RYR3: variants seen among roughly 807,000 people sequenced by gnomAD.
RYR3 encodes the protein ryanodine receptor 3.
RYR3 carries 207 observed loss-of-function variants against 584.3 expected under a neutral mutation model. The ratio of observed to expected loss-of-function variants is 0.35; its 90% CI spans 0.32 to 0.40. RYR3 has a LOEUF of 0.40. Ranked by LOEUF, RYR3 falls within the 10% of genes least tolerant of loss-of-function variation. RYR3 has a pLI of 1.00. For synonymous variants in RYR3, 2,416 were observed against 2,248.5 expected (o/e 1.07, Z -2.11); for missense variants, 5,616 against 6,089.2 (o/e 0.92, Z 2.59).
intron 5 of RYR3, among the ~76,000 whole-genome samples, chr15:33,535,727 G>A (rs1261978046): frequency 6.6e-6 from 1 of 152,134 alleles, no homozygotes; most frequent in Non-Finnish European, 1.5e-5. Flanking sequence ...TTAATTGTTA[G>A]AGCCTTAAAT....
intron 1 of RYR3, among the ~76,000 whole-genome samples, chr15:33,436,596 G>A (rs534679021): frequency 6.6e-6 from 1 of 151,758 alleles, no homozygotes; most frequent in African/African-American, 2.4e-5. Flanking sequence ...CGCCTCCCGG[G>A]TTCACACCAT....
At chr15:33,660,931 T>A (rs4780142) in intron 34 of RYR3, among the ~76,000 whole-genome samples, 1 of 152,104 alleles carries the variant, frequency 6.6e-6, no homozygotes, top group Non-Finnish European at 1.5e-5. Flanking sequence ...AAAGGGTTTC[T>A]GGGAGGAAAA....
chr15:33,322,559 T>TA (rs1567022856), intron 1 of RYR3, among the ~76,000 whole-genome samples: 1 of 152,224 alleles, frequency 6.6e-6, no homozygotes, highest in Non-Finnish European at 1.5e-5. Flanking sequence ...ATATCCCATA[T>TA]ATAGAGAGCC....
chr15:33,562,956 G>T lies in RYR3; in HGVS notation c.1092G>T (p.Val364=). Residue 364 remains valine, a synonymous_variant, in exon 11 of 104, where the codon GTG becomes GTT. Coordinates refer to ENST00000634891, the MANE Select transcript of RYR3 (RefSeq NM_001036.6). ...FVQHIASGLW[V]TYKAQDAKTS... Reference sequence around the variant, plus strand: ...AGCATATAGCCAGTGGTCTGTGGGTGACCTACAAAGCACAAGACGCCAAAA... The same window carrying T: ...AGCATATAGCCAGTGGTCTGTGGGTTACCTACAAAGCACAAGACGCCAAAA... 1 of 1,613,374 alleles carries T rather than the reference G, an allele frequency of 6.2e-7. No individual in the cohort carries two copies. The highest frequency in any genetic ancestry group is 8.5e-7 in the Non-Finnish European group (1 of 1,179,556).
Position 33,751,544 on chromosome 15 carries a change from T to C in RYR3, c.8399+1258T>C, listed in dbSNP as rs371569972. On this transcript the variant is annotated intron_variant, in intron 57 of 103. Coordinates refer to ENST00000634891, the MANE Select transcript of RYR3 (RefSeq NM_001036.6). ...TGCATAAATGTCTTCTTTTGAAAAG[T>C]GTCTGTTCAAAGCCTTCACCCAGTT... Among the ~76,000 whole-genome samples, 13 of 152,008 alleles carry C rather than the reference T, an allele frequency of 8.6e-5. No homozygotes were observed. The East Asian group carries it at 2.3e-3, about 27-fold the overall frequency.
At chr15:33,691,320 T>G (rs2065411340) in intron 38 of RYR3, among the ~76,000 whole-genome samples, 1 of 152,216 alleles carries the variant, frequency 6.6e-6, no homozygotes, top group Non-Finnish European at 1.5e-5. Flanking sequence ...CTTGACACAT[T>G]TCATTATAAA....
chr15:33,696,611 C>T, intron 39 of RYR3, 120 bp downstream of exon 39: 1 of 1,043,990 alleles, frequency 9.6e-7, no homozygotes, highest in Non-Finnish European at 1.4e-6. Context: ...GAACTGATTC[C>T]AATTTCACTC....
chr15:33,639,818 C>A (rs1213107125), intron 27 of RYR3, among the ~76,000 whole-genome samples: 1 of 152,176 alleles, frequency 6.6e-6, no homozygotes, highest in Non-Finnish European at 1.5e-5. Context: ...AATTAATGTT[C>A]CCTCCCCTGG....
chr15:33,815,714 C>T, intron 74 of RYR3: 1 of 392,868 alleles, frequency 2.5e-6, no homozygotes, highest in Non-Finnish European at 4.5e-6. Context: ...CTCTTCTCCA[C>T]CTTGTGATCA....
intron 1 of RYR3, among the ~76,000 whole-genome samples, chr15:33,339,144 T>G (rs1971496914): frequency 6.6e-6 from 1 of 152,148 alleles, no homozygotes; most frequent in Non-Finnish European, 1.5e-5. Flanking sequence ...CAGTAGACAT[T>G]AGGACTACTG....
chr15:33,623,201 C>T (rs2060813339), intron 19 of RYR3, among the ~76,000 whole-genome samples: 1 of 152,234 alleles, frequency 6.6e-6, no homozygotes, highest in African/African-American at 2.4e-5. Context: ...ATGGCTGCCT[C>T]CTCACAGCCG....
rs1035262449 is a variant in RYR3, at chr15:33,353,054, A to G, written c.51+41958A>G. On this transcript the variant is annotated intron_variant, in intron 1 of 103. Coordinates refer to ENST00000634891, the MANE Select transcript of RYR3 (RefSeq NM_001036.6). ...CTCTGACATTTATTAGATAAAGTAG[A>G]AAGGTTTAGAGCAGCAGTTCTAGTG... Among the ~76,000 whole-genome samples the G allele has an allele frequency of 3.9e-5, 6 of 152,174 alleles. No homozygotes were observed. In the South Asian group the frequency reaches 1.2e-3, roughly 32 times the overall value.
At chr15:33,410,938 C>T (rs537053804) in intron 1 of RYR3, among the ~76,000 whole-genome samples, 18 of 152,310 alleles carry the variant, frequency 1.2e-4, no homozygotes, top group African/African-American at 4.1e-4. Context: ...TGCAAGGGAA[C>T]TCACATTTAT....
At chr15:33,742,829 C>G (rs1443750972) in intron 52 of RYR3, among the ~76,000 whole-genome samples, 1 of 152,066 alleles carries the variant, frequency 6.6e-6, no homozygotes, top group Non-Finnish European at 1.5e-5. Context: ...AATTGAAAGC[C>G]TAACCCTTAC....
intron 1 of RYR3, among the ~76,000 whole-genome samples, chr15:33,400,717 G>A (rs1424645411): frequency 6.6e-6 from 1 of 152,204 alleles, no homozygotes; most frequent in East Asian, 1.9e-4. Context: ...TCTGTAGCAA[G>A]ATGCCTGAGT....
chr15:33,829,565 G>C (rs1021608253), intron 85 of RYR3, among the ~76,000 whole-genome samples: 2 of 151,940 alleles, frequency 1.3e-5, no homozygotes, highest in African/African-American at 4.8e-5. Context: ...TGGCTAACAC[G>C]GTGAAACCCC....
chr15:33,821,216 C>A (rs974753417), intron 78 of RYR3, 54 bp from the exon 79 acceptor site: 2 of 1,422,242 alleles, frequency 1.4e-6, no homozygotes, highest in Admixed American at 3.9e-5. Context: ...TATGGGTGAA[C>A]TCCCTGGTGC....
chr15:33,710,365 A>G, intron 43 of RYR3, among the ~76,000 whole-genome samples: 1 of 130,122 alleles, frequency 7.7e-6, no homozygotes, highest in East Asian at 2.2e-4. Flanking sequence ...TTTTTTTGAG[A>G]CAGGGTCTTG....
intron 2 of RYR3, among the ~76,000 whole-genome samples, chr15:33,496,354 A>G (rs2051423628): frequency 6.6e-6 from 1 of 152,172 alleles, no homozygotes; most frequent in African/African-American, 2.4e-5. Context: ...TAGAGCCACG[A>G]CAGTGAACAC....
Sources: gnomAD v4.1 joint callset for allele counts (sites outside exome capture counted in the v4.1 genomes callset) on GRCh38, gnomAD v4.1.1 for gene constraint, MANE v1.5 for transcripts, NCBI Gene and HGNC (gene_info 2026-07-23, HGNC 2026-07-21) for gene names.